The following MYO18A variants were observed in gnomAD, a reference collection of about 807,000 sequenced individuals.
MYO18A encodes the protein myosin XVIIIA, also known as unconventional myosin-XVIIIa.
In MYO18A, 78 loss-of-function variants were observed where a neutral mutation model predicts 235.8. The ratio of observed to expected loss-of-function variants is 0.33; its 90% confidence interval spans 0.28 to 0.40. MYO18A has a LOEUF of 0.40. Ranked by LOEUF, MYO18A falls within the 10% of genes least tolerant of loss-of-function variation. The pLI, the probability that MYO18A is intolerant of heterozygous loss-of-function variation, is 1.00. For missense variants in MYO18A, 2,215 were observed against 2,699.3 expected (o/e 0.82, Z 3.98); for synonymous variants, 977 against 1,077.8 (o/e 0.91, Z 1.83).
At chr17:29,175,571 C>A (rs1282271592) in intron 1 of MYO18A, among the ~76,000 whole-genome samples, 1 of 151,814 alleles carries the variant, frequency 6.6e-6, no homozygotes, top group Non-Finnish European at 1.5e-5. Flanking sequence ...GCCATGTTGC[C>A]CAGCCTGGTC....
Position 29,110,428 on chromosome 17 carries a change from GCACT to G in MYO18A, c.3087+4_3087+7del. On this transcript the variant is annotated splice_donor_5th_base_variant and intron_variant, in intron 18 of 41. Coordinates refer to ENST00000527372, the MANE Select transcript of MYO18A (RefSeq NM_078471.4). The stretch of plus-strand genomic sequence containing the variant: ...AGGCCTGCCTGCTGGGACCCGGCTG[GCACT>G]CACCACCTGTAGCTTCATCTGGATG... The G allele has an allele frequency of 6.3e-7, 1 of 1,575,600 alleles. No homozygotes were observed. Among genetic ancestry groups the G allele is most frequent in the Non-Finnish European group, 8.6e-7 (1 of 1,160,600 alleles).
intron 2 of MYO18A, among the ~76,000 whole-genome samples, chr17:29,152,325 ATGGAAAACAAATAGGTAGAAAGACACC>A (rs2067978449): frequency 6.6e-6 from 1 of 152,194 alleles, no homozygotes; most frequent in Non-Finnish European, 1.5e-5. Context: ...GTTTGTTCAA[ATGGAAAACAAATAGGTAGAAAGACACC>A]TGGTACTCCA....
chr17:29,085,338 C>T (rs367728136), intron 40 of MYO18A, among the ~76,000 whole-genome samples: 2 of 152,242 alleles, frequency 1.3e-5, no homozygotes, highest in Admixed American at 6.5e-5. Flanking sequence ...AAATAGGCTG[C>T]GCTTTCCTTT....
intron 41 of MYO18A, chr17:29,075,981 G>C (rs1423411529): frequency 6.4e-6 from 1 of 155,798 alleles, no homozygotes; most frequent in Non-Finnish European, 1.5e-5. Context: ...AAGCTGAAAA[G>C]GGACCTTTGT....
chr17:29,131,103 G>C (rs1430205969), intron 2 of MYO18A, among the ~76,000 whole-genome samples: 2 of 152,192 alleles, frequency 1.3e-5, no homozygotes, highest in East Asian at 3.9e-4. Context: ...GAGGAGGTTA[G>C]GGGAGGTCCC....
rs1310388473 is a variant in MYO18A, at chr17:29,136,255, A to G, written c.1000-14002T>C. 2.7e-4 allele frequency among the ~76,000 whole-genome samples: 14 copies of G among 52,246 alleles called. No individual in the cohort carries two copies. In the South Asian group the frequency reaches 3.9e-3, roughly 15 times the overall value. 34.3% of individuals were successfully genotyped at this position (52,246 alleles called of 152,430 possible). ...CAAAAGAAAAAAAAAAAAAAAATAT[A>G]TATATATATATATATATATGTAATG... On this transcript the variant is annotated intron_variant, in intron 2 of 41. Transcript: ENST00000527372.
chr17:29,085,567 G>A (rs1197643470), intron 40 of MYO18A, 37 bp downstream of exon 40: 7 of 1,609,540 alleles, frequency 4.3e-6, no homozygotes, highest in Admixed American at 3.3e-5. Context: ...AGACACCCGC[G>A]AGGACAGGCA....
chr17:29,140,327 G>C lies in MYO18A; in HGVS notation c.1000-18074C>G, dbSNP rs779237143. ...GGGACATTTCCGGGGTGGGGGGTCA[G>C]AGGGACACTCACCCGCATGGCCTGG... is the stretch of plus-strand genomic sequence containing the variant. On this transcript the variant is annotated intron_variant, in intron 2 of 41. Coordinates refer to ENST00000527372, the MANE Select transcript of MYO18A (RefSeq NM_078471.4). The surrounding 1 kb of genome is among the most constrained non-coding windows in gnomAD (Gnocchi z 4.2). 7 of 1,259,820 alleles carry C rather than the reference G, an allele frequency of 5.6e-6. No homozygotes were observed. The highest frequency in any genetic ancestry group is 7.2e-6 in the Non-Finnish European group (7 of 975,432). The allele number at this position is 1,259,820 out of a possible 1,614,324, so 78.0% of individuals were successfully genotyped here. A position where few individuals can be genotyped will look rare whatever the true frequency, so the allele number is the denominator to read the frequency against.
rs1300790109 is a variant in MYO18A, at chr17:29,119,562, T to TC, written c.1729-128_1729-127insG. On this transcript the variant is annotated intron_variant, in intron 7 of 41. Coordinates refer to ENST00000527372, the MANE Select transcript of MYO18A (RefSeq NM_078471.4). Reference sequence around the variant, plus strand: ...GGGAACAAGCAGCTGCATTTTTTTTTTTTTTTTTTTTTAAGATTTGAGATG... The same window carrying TC: ...GGGAACAAGCAGCTGCATTTTTTTTTCTTTTTTTTTTTTAAGATTTGAGATG... 1.6e-5 allele frequency: 10 copies of TC among 640,544 alleles called. No individual in the cohort carries two copies. The Admixed American group carries it at 2.3e-4, about 15-fold the overall frequency. The allele number at this position is 640,544 out of a possible 1,614,324, so 39.7% of individuals were successfully genotyped here.
At chr17:29,096,391 AGT>A (rs2066519419) in intron 28 of MYO18A, among the ~76,000 whole-genome samples, 1 of 152,002 alleles carries the variant, frequency 6.6e-6, no homozygotes, top group Non-Finnish European at 1.5e-5. Context: ...TAGTCAGGAG[AGT>A]GTGTTTGTGT....
At position 29,121,388 on chromosome 17, in the gene MYO18A, G is replaced by T. The variant is rs556160098; in HGVS notation, c.1371+159C>A. ...TAAGTCCTGGACTCCATCAAAGGTT[G>T]TGGGGAGGTCCTGTCCCCCATCTCT... On this transcript the variant is annotated intron_variant, in intron 5 of 41. Coordinates refer to ENST00000527372, the MANE Select transcript of MYO18A (RefSeq NM_078471.4). The surrounding 1 kb of genome is among the most constrained non-coding windows in gnomAD (Gnocchi z 4.2). 1.3e-5 allele frequency among the ~76,000 whole-genome samples: 2 copies of T among 152,362 alleles called. No individual in the cohort carries two copies. Among genetic ancestry groups the T allele is most frequent in the African/African-American group, 4.8e-5 (2 of 41,586 alleles).
In MYO18A at chr17:29,120,954, TC is replaced by T. The variant is rs1390145613; in HGVS notation, c.1585+43del. On this transcript the variant is annotated intron_variant, in intron 6 of 41. Coordinates refer to ENST00000527372, the MANE Select transcript of MYO18A (RefSeq NM_078471.4). The surrounding 1 kb of genome is among the most constrained non-coding windows in gnomAD (Gnocchi z 4.2). ...AGAGGGTGCTCTCTCCTCACTCCCC[TC>T]CCCTCACCCCACTTTCAGTTTTCTC... The T allele has an allele frequency of 2.5e-6, 4 of 1,582,702 alleles. No homozygotes were observed. The highest frequency in any genetic ancestry group is 3.4e-6 in the Non-Finnish European group (4 of 1,163,942).
At chr17:29,093,176 C>G (rs1207483108) in intron 32 of MYO18A, 147 bp downstream of exon 32, 2 of 1,062,392 alleles carry the variant, frequency 1.9e-6, no homozygotes. Context: ...TGGTGATGCC[C>G]CCATCCCACA....
At chr17:29,143,517 C>A (rs548698530) in intron 2 of MYO18A, among the ~76,000 whole-genome samples, 71 of 150,722 alleles carry the variant, frequency 4.7e-4, no homozygotes, top group Admixed American at 9.9e-4. Context: ...GCTGGGATTA[C>A]AGGCATGAGC....
At position 29,116,471 on chromosome 17, in the gene MYO18A, CCAGCATG is replaced by C. The variant is rs751348689; in HGVS notation, c.2039-23_2039-17del. ...TCAGCAGCTTCTGTAAGGCAAAGGA[CCAGCATG>C]CAGCATGCAAAGAAAAACAGTGTGT... On this transcript the variant is annotated splice_polypyrimidine_tract_variant and intron_variant, in intron 10 of 41. Transcript: ENST00000527372. 1.6e-5 allele frequency: 26 copies of C among 1,613,864 alleles called. No homozygotes were observed. The highest frequency in any genetic ancestry group is 2.2e-5 in the Non-Finnish European group (26 of 1,179,884).
chr17:29,097,792 A>C lies in MYO18A; in HGVS notation c.4098T>G (p.Asp1366Glu). 1 of 1,609,726 alleles carries C rather than the reference A, an allele frequency of 6.2e-7. No individual in the cohort carries two copies. The highest frequency in any genetic ancestry group is 1.3e-5 in the African/African-American group (1 of 74,986). Residue 1366 changes from aspartate to glutamate, a missense_variant, in exon 26 of 42, where the codon GAT (aspartate) becomes GAG (glutamate). Transcript: ENST00000527372. Reference protein sequence around the residue: ...AEINGEVDDDDAGGEWRLKYE... With the variant: ...AEINGEVDDDEAGGEWRLKYE... ...CTCCTTGGGCCTCAGGCCCACCTGC[A>C]TCATCATCATCCACTTCCCCGTTGA...
chr17:29,107,525 C>A (rs1400940424), intron 19 of MYO18A: 1 of 253,988 alleles, frequency 3.9e-6, no homozygotes, highest in Non-Finnish European at 7.8e-6. Flanking sequence ...AAGGCTACAT[C>A]CCAATCCCCA....
Position 29,111,958 on chromosome 17 carries a change from C to A in MYO18A, c.2599-95G>T. ...CCCAAACACACCCTACAGAATGCTA[C>A]ACATGTGCACACATGCACACACGCA... On this transcript the variant is annotated intron_variant, in intron 15 of 41. Coordinates refer to ENST00000527372, the MANE Select transcript of MYO18A (RefSeq NM_078471.4). The surrounding 1 kb of genome is among the most constrained non-coding windows in gnomAD (Gnocchi z 5.1). The A allele has an allele frequency of 7.1e-7, 1 of 1,406,208 alleles. No individual in the cohort carries two copies. The highest frequency in any genetic ancestry group is 9.6e-7 in the Non-Finnish European group (1 of 1,038,028). 87.1% of individuals were successfully genotyped at this position (1,406,208 alleles called of 1,614,324 possible). A position where few individuals can be genotyped will look rare whatever the true frequency, so the allele number is the denominator to read the frequency against.
chr17:29,110,697 G>A, intron 17 of MYO18A, 75 bp from the exon 18 acceptor site: 1 of 1,442,358 alleles, frequency 6.9e-7, no homozygotes, highest in Non-Finnish European at 9.3e-7. Context: ...CTCCCCCAAG[G>A]CCCCAGAACA....
Sources: gnomAD v4.1 joint callset for allele counts (sites outside exome capture counted in the v4.1 genomes callset) on GRCh38, gnomAD v4.1.1 for gene constraint, Gnocchi (gnomAD v3.1) non-coding constraint, MANE v1.5 for transcripts, NCBI Gene and HGNC (gene_info 2026-07-23, HGNC 2026-07-21) for gene names.